Variants in CIMIP2C observed in about 807,000 individuals in gnomAD.
CIMIP2C encodes the protein ciliary microtubule inner protein 2C.
chr2:26,566,753 T>C, the CIMIP2C span, among the ~76,000 whole-genome samples: 2 of 152,344 alleles, frequency 1.3e-5, no homozygotes, highest in South Asian at 2.1e-4. Flanking sequence ...AGAGTCTTAC[T>C]CTGTCACCCA....
At chr2:26,568,699 G>T in the CIMIP2C span, among the ~76,000 whole-genome samples, 1 of 152,186 alleles carries the variant, frequency 6.6e-6, no homozygotes, top group East Asian at 1.9e-4. Flanking sequence ...TAATAAGAAA[G>T]AATATTCCAG....
chr2:26,569,311 A>G, the CIMIP2C span, among the ~76,000 whole-genome samples: 1 of 152,116 alleles, frequency 6.6e-6, no homozygotes. Flanking sequence ...CTTCAGCTGG[A>G]ATGGGAAAAC....
At chr2:26,570,010 C>T in the CIMIP2C span, among the ~76,000 whole-genome samples, 5 of 152,180 alleles carry the variant, frequency 3.3e-5, no homozygotes, top group Non-Finnish European at 5.9e-5. Flanking sequence ...TGCCAAGATG[C>T]GCCCACTGAG....
At chr2:26,569,647 G>C in the CIMIP2C span, among the ~76,000 whole-genome samples, 1 of 152,168 alleles carries the variant, frequency 6.6e-6, no homozygotes, top group Non-Finnish European at 1.5e-5. Context: ...GGAAGGGACT[G>C]CTCCTTTTCA....
At chr2:26,565,086 T>C in the CIMIP2C span, among the ~76,000 whole-genome samples, 3 of 146,790 alleles carry the variant, frequency 2.0e-5, no homozygotes, top group Non-Finnish European at 3.0e-5. Flanking sequence ...CCCTTCCCCT[T>C]CCCCTACCCC....
chr2:26,564,996 G>A, the CIMIP2C span, among the ~76,000 whole-genome samples: 7 of 152,134 alleles, frequency 4.6e-5, no homozygotes, highest in African/African-American at 1.7e-4. Context: ...CAGGCACTGT[G>A]CTGGGCCCTT....
the CIMIP2C span, chr2:26,577,365 G>A: frequency 7.6e-5 from 52 of 680,532 alleles, no homozygotes; most frequent in African/African-American, 7.3e-4. Context: ...TGGCAATTGA[G>A]TTGGGGCCCC....
the CIMIP2C span, among the ~76,000 whole-genome samples, chr2:26,564,089 T>G: frequency 1.1e-4 from 16 of 152,318 alleles, no homozygotes; most frequent in African/African-American, 3.8e-4. Context: ...GACAAACAAG[T>G]GAGGGGCTGC....
the CIMIP2C span, chr2:26,579,362 A>T: frequency 3.7e-4 from 602 of 1,614,076 alleles, 5 homozygotes; most frequent in East Asian, 0.011. Flanking sequence ...AAGACCTACC[A>T]GACCTTCCCA....
the CIMIP2C span, chr2:26,563,072 G>A: frequency 2.1e-5 from 5 of 238,778 alleles, no homozygotes; most frequent in South Asian, 2.0e-4. Context: ...AGGCCCTTCC[G>A]TCCGGCGCAC....
At chr2:26,569,621 T>C in the CIMIP2C span, among the ~76,000 whole-genome samples, 292 of 152,188 alleles carry the variant, frequency 1.9e-3, no homozygotes, top group African/African-American at 6.8e-3. Context: ...GGCCAAGCAG[T>C]GCTATTAAGA....
the CIMIP2C span, chr2:26,577,717 T>G: frequency 1.1e-6 from 1 of 919,536 alleles, no homozygotes; most frequent in East Asian, 2.5e-5. Context: ...GCACACAGAC[T>G]GAGAAATGAG....
chr2:26,576,217 A>G, the CIMIP2C span: 4 of 1,574,854 alleles, frequency 2.5e-6, no homozygotes, highest in South Asian at 3.5e-5. Flanking sequence ...CCTCCTGCCC[A>G]CCTGCCCCCA....
chr2:26,562,811 G>T, the CIMIP2C span: 2 of 818,768 alleles, frequency 2.4e-6, no homozygotes, highest in Non-Finnish European at 4.0e-6. Context: ...TTTTCCACCC[G>T]ACGGGGCGAG....
the CIMIP2C span, among the ~76,000 whole-genome samples, chr2:26,570,496 G>A: frequency 5.9e-5 from 9 of 152,342 alleles, no homozygotes; most frequent in East Asian, 1.9e-4. Flanking sequence ...AAGTTCATTC[G>A]GGTCTGAGTG....
the CIMIP2C span, among the ~76,000 whole-genome samples, chr2:26,567,264 G>A: frequency 3.3e-5 from 5 of 152,174 alleles, no homozygotes; most frequent in African/African-American, 1.2e-4. Flanking sequence ...CATGGGGGCA[G>A]TTCCCCCATC....
At chr2:26,571,277 G>T in the CIMIP2C span, among the ~76,000 whole-genome samples, 1 of 152,254 alleles carries the variant, frequency 6.6e-6, no homozygotes, top group South Asian at 2.1e-4. Context: ...AGACCCAGGG[G>T]CTCCCCCTGC....
chr2:26,575,723 G>A, the CIMIP2C span, among the ~76,000 whole-genome samples: 91,218 of 151,910 alleles, frequency 0.6, 28,185 homozygotes, highest in Middle Eastern at 0.76. Context: ...GAGTCTCACT[G>A]TGTTGCCCAG....
At chr2:26,563,802 A>C in the CIMIP2C span, among the ~76,000 whole-genome samples, 2 of 152,210 alleles carry the variant, frequency 1.3e-5, no homozygotes, top group African/African-American at 4.8e-5. Flanking sequence ...GTGACATTCA[A>C]ATCATTTCTG....
Sources: allele counts gnomAD v4.1 joint callset (sites outside exome capture counted in the v4.1 genomes callset), GRCh38; gene constraint gnomAD v4.1.1; transcripts MANE v1.5; gene names NCBI Gene and HGNC (gene_info 2026-07-23, HGNC 2026-07-21).